AUTS2: variants seen among roughly 807,000 people sequenced by gnomAD.
AUTS2 encodes activator of transcription and developmental regulator AUTS2.
A neutral mutation model predicts 112.4 loss-of-function variants in AUTS2; 17 were observed. The ratio of observed to expected loss-of-function variants is 0.15; its 90% CI spans 0.10 to 0.23. The LOEUF is 0.23. Among genes scored for constraint, AUTS2 ranks in the 10% least tolerant of loss-of-function variants. AUTS2 has a pLI of 1.00. For missense variants in AUTS2, 1,510 were observed against 1,701.6 expected, an observed-to-expected ratio of 0.89 and a Z score of 1.98; for synonymous variants, 751 against 702.7, an observed-to-expected ratio of 1.07 and a Z score of -1.09.
At chr7:70,165,983 T>C (rs1479233455) in intron 4 of AUTS2, among the ~76,000 whole-genome samples, 1 of 151,780 alleles carries the variant, frequency 6.6e-6, no homozygotes, top group Non-Finnish European at 1.5e-5. Context: ...TCATGAGATC[T>C]GGTGGTTTAA....
intron 1 of AUTS2, among the ~76,000 whole-genome samples, chr7:69,642,808 T>G (rs1382522375): frequency 6.6e-6 from 1 of 152,220 alleles, no homozygotes; most frequent in African/African-American, 2.4e-5. Context: ...TAAAACACTT[T>G]AAATGATACA....
At chr7:70,144,221 C>A (rs1447418116) in intron 4 of AUTS2, among the ~76,000 whole-genome samples, 1 of 152,120 alleles carries the variant, frequency 6.6e-6, no homozygotes, top group African/African-American at 2.4e-5. Flanking sequence ...ATAGACTCAA[C>A]TTTGCCAAGA....
At chr7:69,833,584 A>G (rs1049517514) in intron 1 of AUTS2, among the ~76,000 whole-genome samples, 2 of 152,018 alleles carry the variant, frequency 1.3e-5, no homozygotes, top group East Asian at 1.9e-4. Context: ...ATAGATGTCC[A>G]CCACCACGCC....
chr7:69,730,378 A>T (rs569135199), intron 1 of AUTS2, among the ~76,000 whole-genome samples: 3 of 152,126 alleles, frequency 2.0e-5, no homozygotes, highest in African/African-American at 7.2e-5. Context: ...TCTAACATCA[A>T]TTCTGTCCCC....
intron 5 of AUTS2, among the ~76,000 whole-genome samples, chr7:70,460,122 C>A (rs1796901842): frequency 6.6e-6 from 1 of 152,110 alleles, no homozygotes; most frequent in Non-Finnish European, 1.5e-5. Flanking sequence ...AAGTTTAAAA[C>A]CAGCATTCCA....
intron 1 of AUTS2, among the ~76,000 whole-genome samples, chr7:69,649,000 A>G (rs1406156770): frequency 6.6e-6 from 1 of 152,164 alleles, no homozygotes; most frequent in Non-Finnish European, 1.5e-5. Flanking sequence ...ATGGTTAAGT[A>G]AGTAGGTAGG....
intron 2 of AUTS2, among the ~76,000 whole-genome samples, chr7:70,064,411 A>T (rs1013734449): frequency 6.6e-6 from 1 of 152,200 alleles, no homozygotes; most frequent in African/African-American, 2.4e-5. Context: ...AATAGAAGCA[A>T]CACAAATCCA....
At position 70,700,053 on chromosome 7, in the gene AUTS2, T is replaced by C. The variant is rs191440530; in HGVS notation, c.742+1433T>C. 4.9e-4 allele frequency among the ~76,000 whole-genome samples: 74 copies of C among 152,296 alleles called. 1 individual carries two copies. Among genetic ancestry groups the C allele is most frequent in the African/African-American group, 1.8e-3 (73 of 41,556 alleles). ...CTGGGATCAGGCCCTAGAATAAGAG[T>C]TGGCTCCAAGACCTGCACTCTGGCC... On this transcript the variant is annotated intron_variant, in intron 6 of 18. Coordinates refer to ENST00000342771, the MANE Select transcript of AUTS2 (RefSeq NM_015570.4).
At chr7:70,748,874 C>T (rs1021159549) in intron 6 of AUTS2, among the ~76,000 whole-genome samples, 1 of 152,188 alleles carries the variant, frequency 6.6e-6, no homozygotes, top group African/African-American at 2.4e-5. Context: ...ATTGTTTGGT[C>T]CTGGTTCTGT....
chr7:69,767,537 T>C (rs1036770423), intron 1 of AUTS2, among the ~76,000 whole-genome samples: 1 of 152,170 alleles, frequency 6.6e-6, no homozygotes, highest in East Asian at 1.9e-4. Flanking sequence ...CTTCTCTCCA[T>C]GTGGGCCCTT....
chr7:69,672,279 G>A (rs1025496666), intron 1 of AUTS2, among the ~76,000 whole-genome samples: 24 of 151,896 alleles, frequency 1.6e-4, no homozygotes, highest in Non-Finnish European at 3.1e-4. Flanking sequence ...GTCCGATCTC[G>A]AACTCCCGAC....
intron 1 of AUTS2, among the ~76,000 whole-genome samples, chr7:69,866,468 C>T (rs1172080180): frequency 6.6e-6 from 1 of 152,186 alleles, no homozygotes; most frequent in Admixed American, 6.5e-5. Flanking sequence ...GACTACTGCA[C>T]TTATGTTAAG....
chr7:70,349,125 T>G (rs2129622380), intron 4 of AUTS2, among the ~76,000 whole-genome samples: 1 of 152,144 alleles, frequency 6.6e-6, no homozygotes. Flanking sequence ...ACAAACTGAG[T>G]CTTGAAGAAG....
intron 5 of AUTS2, among the ~76,000 whole-genome samples, chr7:70,527,452 A>G (rs1258266659): frequency 2.0e-5 from 3 of 152,178 alleles, no homozygotes; most frequent in African/African-American, 2.4e-5. Flanking sequence ...AGTTTTAAGT[A>G]TAGATCAGCC....
intron 1 of AUTS2, among the ~76,000 whole-genome samples, chr7:69,811,571 C>G (rs1294960303): frequency 6.6e-6 from 1 of 152,134 alleles, no homozygotes; most frequent in East Asian, 1.9e-4. Context: ...AGACTCAAGG[C>G]CCTTCACGTG....
chr7:70,462,334 TAAA>T (rs1022059058), intron 5 of AUTS2, among the ~76,000 whole-genome samples: 7 of 151,984 alleles, frequency 4.6e-5, no homozygotes, highest in African/African-American at 1.7e-4. Context: ...AAAAAGCAAT[TAAA>T]AAGAAGATGG....
At chr7:70,294,712 G>C (rs1211048523) in intron 4 of AUTS2, among the ~76,000 whole-genome samples, 1 of 152,158 alleles carries the variant, frequency 6.6e-6, no homozygotes, top group Non-Finnish European at 1.5e-5. Flanking sequence ...AGAGGACTTT[G>C]ATATCCAGTG....
intron 1 of AUTS2, among the ~76,000 whole-genome samples, chr7:69,845,496 C>T (rs1436010610): frequency 2.6e-5 from 4 of 152,090 alleles, no homozygotes; most frequent in Admixed American, 6.5e-5. Flanking sequence ...CAGTGATGCT[C>T]TTGTGTGAAG....
At chr7:70,473,340 C>T (rs1797462522) in intron 5 of AUTS2, among the ~76,000 whole-genome samples, 1 of 152,144 alleles carries the variant, frequency 6.6e-6, no homozygotes. Context: ...GGCAACAAAC[C>T]TGCATAGTTA....
Sources: allele counts gnomAD v4.1 joint callset (sites outside exome capture counted in the v4.1 genomes callset), GRCh38; gene constraint gnomAD v4.1.1; transcripts MANE v1.5; gene names NCBI Gene and HGNC (gene_info 2026-07-23, HGNC 2026-07-21).